Variants in SLC41A2 observed in about 807,000 individuals in gnomAD.
SLC41A2 encodes solute carrier family 41 member 2, also known as SLC41A1-like 1.
SLC41A2 carries 32 observed loss-of-function variants against 58.3 expected under a neutral mutation model. The ratio of observed to expected loss-of-function variants is 0.55; its 90% CI spans 0.41 to 0.74. The LOEUF (loss-of-function observed/expected upper bound fraction) is 0.74, where lower values mean the gene tolerates loss of function less well. Ranked by LOEUF, SLC41A2 falls within the 30% of genes least tolerant of loss-of-function variation. The pLI is 0.00. For synonymous variants in SLC41A2, 190 were observed against 235.0 expected, an observed-to-expected ratio of 0.81 and a Z score of 1.75; for missense variants, 514 against 680.6, an observed-to-expected ratio of 0.76 and a Z score of 2.72.
chr12:104,948,784 C>T (rs1388623210), intron 1 of SLC41A2, among the ~76,000 whole-genome samples: 1 of 152,216 alleles, frequency 6.6e-6, no homozygotes, highest in Non-Finnish European at 1.5e-5. Context: ...TCATGCCAAA[C>T]ACTAGAACCC....
chr12:104,830,433 T>C (rs1343542628), intron 10 of SLC41A2, among the ~76,000 whole-genome samples: 1 of 152,228 alleles, frequency 6.6e-6, no homozygotes, highest in Non-Finnish European at 1.5e-5. Context: ...TTCAATGTAG[T>C]GTGAAGCAAA....
chr12:104,903,254 C>T (rs553175116), intron 3 of SLC41A2, among the ~76,000 whole-genome samples: 1 of 152,176 alleles, frequency 6.6e-6, no homozygotes, highest in Non-Finnish European at 1.5e-5. Context: ...ATGCAGTAGT[C>T]AAAATAATCT....
intron 2 of SLC41A2, among the ~76,000 whole-genome samples, chr12:104,927,044 C>T (rs1338630697): frequency 3.3e-5 from 5 of 151,848 alleles, no homozygotes; most frequent in Admixed American, 3.3e-4. Context: ...GGCCACAGAG[C>T]GAGACCCTGT....
intron 10 of SLC41A2, among the ~76,000 whole-genome samples, chr12:104,832,550 C>T (rs1308736081): frequency 2.0e-5 from 3 of 152,154 alleles, no homozygotes; most frequent in South Asian, 2.1e-4. Context: ...TTGGCTGATA[C>T]AGTAAATAAC....
intron 7 of SLC41A2, among the ~76,000 whole-genome samples, chr12:104,863,449 A>G (rs1446122765): frequency 2.0e-5 from 3 of 152,172 alleles, no homozygotes; most frequent in Non-Finnish European, 4.4e-5. Flanking sequence ...AAGAAAAAAA[A>G]GAGGTATATA....
At chr12:104,885,290 CTAAA>C (rs1428140750) in intron 6 of SLC41A2, among the ~76,000 whole-genome samples, 1 of 152,178 alleles carries the variant, frequency 6.6e-6, no homozygotes, top group African/African-American at 2.4e-5. Context: ...ATGCCACTCA[CTAAA>C]TAACTTAAGG....
chr12:104,911,996 T>C (rs920036158), intron 2 of SLC41A2, among the ~76,000 whole-genome samples: 1 of 152,172 alleles, frequency 6.6e-6, no homozygotes, highest in Admixed American at 6.5e-5. Context: ...ATAACAAATA[T>C]TAATAATATC....
chr12:104,818,807 G>A (rs1026666609), intron 10 of SLC41A2, among the ~76,000 whole-genome samples: 1 of 152,130 alleles, frequency 6.6e-6, no homozygotes. Context: ...AACCCAGGGG[G>A]CAGAGGTTGC....
At chr12:104,893,708 C>T (rs191188262) in intron 4 of SLC41A2, among the ~76,000 whole-genome samples, 1 of 152,268 alleles carries the variant, frequency 6.6e-6, no homozygotes, top group Admixed American at 6.5e-5. Flanking sequence ...TTTGTAACAA[C>T]ATAGATGGAA....
At chr12:104,827,832 A>G (rs911131451) in intron 10 of SLC41A2, among the ~76,000 whole-genome samples, 9 of 152,158 alleles carry the variant, frequency 5.9e-5, no homozygotes, top group Non-Finnish European at 1.2e-4. Context: ...TTCTAACGGC[A>G]GTAAGATATA....
chr12:104,929,642 A>G (rs1023976216), intron 1 of SLC41A2, among the ~76,000 whole-genome samples: 5 of 152,242 alleles, frequency 3.3e-5, no homozygotes, highest in African/African-American at 7.2e-5. Flanking sequence ...AGAAAACCTG[A>G]CAATTGCTGC....
intron 1 of SLC41A2, among the ~76,000 whole-genome samples, chr12:104,944,049 A>C (rs1351023279): frequency 6.6e-6 from 1 of 152,210 alleles, no homozygotes; most frequent in Non-Finnish European, 1.5e-5. Flanking sequence ...ACTACAAAAA[A>C]AAGGGAAAAA....
chr12:104,818,975 CTG>C (rs2041524707), intron 10 of SLC41A2, among the ~76,000 whole-genome samples: 1 of 152,116 alleles, frequency 6.6e-6, no homozygotes, highest in Non-Finnish European at 1.5e-5. Context: ...AATAAATCAA[CTG>C]TATAAAATCT....
intron 6 of SLC41A2, 77 bp from the exon 7 acceptor site, chr12:104,866,656 G>T: frequency 8.0e-7 from 1 of 1,250,882 alleles, no homozygotes; most frequent in African/African-American, 1.5e-5. Flanking sequence ...AATTATCAAA[G>T]TTTACTAGAA....
At chr12:104,909,785 A>G (rs2046000065) in intron 2 of SLC41A2, 23 bp from the exon 3 acceptor site, 7 of 1,493,492 alleles carry the variant, frequency 4.7e-6, no homozygotes, top group Non-Finnish European at 6.4e-6. Context: ...AAATAAAATA[A>G]AATTTTCTGG....
chr12:104,946,140 G>C (rs866132740), intron 1 of SLC41A2, among the ~76,000 whole-genome samples: 9 of 152,266 alleles, frequency 5.9e-5, no homozygotes, highest in Middle Eastern at 6.8e-3. Flanking sequence ...TATTCCCAGG[G>C]ATTGAGAAAG....
intron 3 of SLC41A2, among the ~76,000 whole-genome samples, chr12:104,895,690 T>C (rs1473490778): frequency 6.6e-6 from 1 of 152,138 alleles, no homozygotes; most frequent in African/African-American, 2.4e-5. Context: ...AGGTAAATAA[T>C]TACATAACTT....
At chr12:104,948,162 T>C in intron 1 of SLC41A2, among the ~76,000 whole-genome samples, 1 of 152,230 alleles carries the variant, frequency 6.6e-6, no homozygotes, top group Admixed American at 6.5e-5. Flanking sequence ...CTAAAAATTT[T>C]GCTTTCTTTG....
At chr12:104,932,456 C>T (rs568826764) in intron 1 of SLC41A2, among the ~76,000 whole-genome samples, 17 of 151,780 alleles carry the variant, frequency 1.1e-4, no homozygotes, top group Non-Finnish European at 2.1e-4. Flanking sequence ...GAAACCTTGT[C>T]TCTACAAAAA....
Sources: gnomAD v4.1 joint callset for allele counts (sites outside exome capture counted in the v4.1 genomes callset) on GRCh38, gnomAD v4.1.1 for gene constraint, MANE v1.5 for transcripts, NCBI Gene and HGNC (gene_info 2026-07-23, HGNC 2026-07-21) for gene names.